Variants in KCTD8 observed in about 807,000 individuals in gnomAD.
The protein encoded by KCTD8 is BTB/POZ domain-containing protein KCTD8.
In KCTD8, 27 loss-of-function variants were observed where a neutral mutation model predicts 31.5. That is an observed-to-expected ratio of 0.86 (90% CI 0.63 to 1.18). The LOEUF (loss-of-function observed/expected upper bound fraction) is 1.18. KCTD8 is among the 50% of genes most tolerant of loss of function. KCTD8 has a pLI of 0.00. For synonymous variants in KCTD8, 290 were observed against 280.0 expected (o/e 1.04, Z -0.36); for missense variants, 658 against 647.7 (o/e 1.02, Z -0.17).
chr4:44,367,395 G>A (rs915736338), intron 1 of KCTD8, among the ~76,000 whole-genome samples: 6 of 152,066 alleles, frequency 3.9e-5, no homozygotes, highest in African/African-American at 7.2e-5. Context: ...AATCAATCTC[G>A]AAGCTGACAG....
At chr4:44,423,043 C>T (rs1490885026) in intron 1 of KCTD8, among the ~76,000 whole-genome samples, 1 of 152,034 alleles carries the variant, frequency 6.6e-6, no homozygotes, top group Admixed American at 6.6e-5. Flanking sequence ...CAGTTCTCAA[C>T]CAGGGCAGTT....
chr4:44,425,994 A>G (rs1414988613), intron 1 of KCTD8, among the ~76,000 whole-genome samples: 2 of 151,940 alleles, frequency 1.3e-5, no homozygotes, highest in Non-Finnish European at 2.9e-5. Context: ...GGCAATAAAA[A>G]TTAGCGATAA....
intron 1 of KCTD8, among the ~76,000 whole-genome samples, chr4:44,336,465 C>G (rs576775825): frequency 1.3e-5 from 2 of 151,980 alleles, no homozygotes; most frequent in East Asian, 3.9e-4. Flanking sequence ...GCCTATCATA[C>G]TCAATTAGAC....
chr4:44,240,526 A>G (rs1715426652), intron 1 of KCTD8, among the ~76,000 whole-genome samples: 1 of 152,208 alleles, frequency 6.6e-6, no homozygotes, highest in Non-Finnish European at 1.5e-5. Flanking sequence ...ATTAGGGACG[A>G]GGTCTCGATA....
At chr4:44,284,129 C>T (rs1203527304) in intron 1 of KCTD8, among the ~76,000 whole-genome samples, 1 of 152,104 alleles carries the variant, frequency 6.6e-6, no homozygotes, top group Admixed American at 6.6e-5. Context: ...AAAAAAACTA[C>T]TTTAAACTTC....
intron 1 of KCTD8, among the ~76,000 whole-genome samples, chr4:44,373,366 A>G (rs1028655259): frequency 1.3e-5 from 2 of 151,992 alleles, no homozygotes; most frequent in Admixed American, 6.5e-5. Flanking sequence ...TCTCAAAAAA[A>G]AAAAGGCCAA....
intron 1 of KCTD8, among the ~76,000 whole-genome samples, chr4:44,313,332 A>G (rs952586361): frequency 6.6e-6 from 1 of 152,200 alleles, no homozygotes; most frequent in African/African-American, 2.4e-5. Context: ...GGGTTACAGC[A>G]GGTCGTAGTG....
chr4:44,351,578 C>G (rs530559159), intron 1 of KCTD8, among the ~76,000 whole-genome samples: 58 of 152,228 alleles, frequency 3.8e-4, no homozygotes, highest in Admixed American at 8.5e-4. Flanking sequence ...CAGGAAACTA[C>G]ATCTCTGTGG....
chr4:44,222,627 G>C (rs890331809), intron 1 of KCTD8, among the ~76,000 whole-genome samples: 2 of 152,156 alleles, frequency 1.3e-5, no homozygotes, highest in Non-Finnish European at 2.9e-5. Context: ...AAACAATGTG[G>C]CTGCAACTTC....
intron 1 of KCTD8, among the ~76,000 whole-genome samples, chr4:44,248,647 T>C (rs1224519365): frequency 6.6e-6 from 1 of 151,898 alleles, no homozygotes; most frequent in East Asian, 1.9e-4. Flanking sequence ...CAGTTAGGTG[T>C]GGCCATAAGA....
chr4:44,253,834 T>C (rs950340344), intron 1 of KCTD8, among the ~76,000 whole-genome samples: 2 of 151,878 alleles, frequency 1.3e-5, no homozygotes, highest in African/African-American at 4.8e-5. Context: ...AGAATTTTTG[T>C]TACATAGCAA....
At chr4:44,414,931 A>C (rs1320659892) in intron 1 of KCTD8, among the ~76,000 whole-genome samples, 1 of 152,078 alleles carries the variant, frequency 6.6e-6, no homozygotes, top group African/African-American at 2.4e-5. Flanking sequence ...AGATTAGACG[A>C]GTTTGGAGGG....
At chr4:44,292,714 AG>A (rs1316902097) in intron 1 of KCTD8, among the ~76,000 whole-genome samples, 2 of 152,084 alleles carry the variant, frequency 1.3e-5, no homozygotes, top group African/African-American at 4.8e-5. Flanking sequence ...AGGTATGTTG[AG>A]GGAAAAAAGT....
At chr4:44,326,221 T>C (rs1358863575) in intron 1 of KCTD8, among the ~76,000 whole-genome samples, 1 of 151,826 alleles carries the variant, frequency 6.6e-6, no homozygotes, top group Non-Finnish European at 1.5e-5. Context: ...TTTCAACTTA[T>C]ATTACTTTAT....
chr4:44,233,538 A>G (rs1314551724), intron 1 of KCTD8, among the ~76,000 whole-genome samples: 1 of 152,156 alleles, frequency 6.6e-6, no homozygotes, highest in African/African-American at 2.4e-5. Flanking sequence ...TTGCTTCAAC[A>G]TGGCAAATAT....
chr4:44,397,900 A>G (rs946518534), intron 1 of KCTD8, among the ~76,000 whole-genome samples: 10 of 152,174 alleles, frequency 6.6e-5, no homozygotes, highest in Non-Finnish European at 1.0e-4. Flanking sequence ...TTGTGGTTAC[A>G]AAGCAGTTGT....
intron 1 of KCTD8, among the ~76,000 whole-genome samples, chr4:44,356,274 G>A (rs553697834): frequency 5.6e-4 from 85 of 152,216 alleles, no homozygotes; most frequent in African/African-American, 2.0e-3. Flanking sequence ...ATCCCAAGCA[G>A]TTTGCTGTGA....
chr4:44,174,664 A>G lies in KCTD8; in HGVS notation c.*126T>C. On this transcript the variant is annotated 3_prime_UTR_variant, in exon 2 of 2. Coordinates refer to ENST00000360029, the MANE Select transcript of KCTD8 (RefSeq NM_198353.3). The stretch of plus-strand genomic sequence containing the variant: ...AAAACATAAAAGAAAATACTGTCCC[A>G]CATCCACTGTTCACAACAAGGAAGA... 1.5e-6 allele frequency: 1 copy of G among 688,180 alleles called. No homozygotes were observed. Among genetic ancestry groups the G allele is most frequent in the Non-Finnish European group, 2.4e-6 (1 of 418,032 alleles). 42.6% of individuals were successfully genotyped at this position (688,180 alleles called of 1,614,324 possible). A position where few individuals can be genotyped will look rare whatever the true frequency, so the allele number is the denominator to read the frequency against.
At chr4:44,323,083 G>C (rs374179365) in intron 1 of KCTD8, among the ~76,000 whole-genome samples, 1 of 151,966 alleles carries the variant, frequency 6.6e-6, no homozygotes, top group South Asian at 2.1e-4. Context: ...TTTTGTTGTT[G>C]CATACAAATT....
Sources: gnomAD v4.1 joint callset for allele counts (sites outside exome capture counted in the v4.1 genomes callset) on GRCh38, gnomAD v4.1.1 for gene constraint, MANE v1.5 for transcripts, NCBI Gene and HGNC (gene_info 2026-07-23, HGNC 2026-07-21) for gene names.